Variants in ARSK observed in about 807,000 individuals in gnomAD.
ARSK encodes the protein arylsulfatase family member K, also known as arylsulfatase K.
In ARSK, 37 loss-of-function variants were observed where a neutral mutation model predicts 53.2. The ratio of observed to expected loss-of-function variants is 0.70; its 90% CI spans 0.54 to 0.92. ARSK has a LOEUF of 0.92. ARSK is among the 40% of genes least tolerant of loss of function. The pLI, the probability that ARSK is intolerant of heterozygous loss-of-function variation, is 0.00. For synonymous variants in ARSK, 208 were observed against 223.2 expected (o/e 0.93, Z 0.61); for missense variants, 613 against 643.0 (o/e 0.95, Z 0.51).
chr5:95,604,489 A>G lies in ARSK; in HGVS notation c.*963A>G, dbSNP rs900068330. The G allele has an allele frequency of 3.3e-5, 5 of 151,900 alleles. No individual in the cohort carries two copies. Among genetic ancestry groups the G allele is most frequent in the Non-Finnish European group, 7.4e-5 (5 of 67,990 alleles). 9.4% of individuals were successfully genotyped at this position (151,900 alleles called of 1,614,324 possible). On this transcript the variant is annotated 3_prime_UTR_variant, in exon 8 of 8. Coordinates refer to ENST00000380009, the MANE Select transcript of ARSK (RefSeq NM_198150.3). ...CAAATGTATATATTCCTTTCCCCCT[A>G]CACAAACGGTAACATACTGCACACA...
At chr5:95,579,950 T>C (rs1748993993) in intron 3 of ARSK, among the ~76,000 whole-genome samples, 1 of 152,156 alleles carries the variant, frequency 6.6e-6, no homozygotes, top group East Asian at 1.9e-4. Flanking sequence ...GGTAATAACG[T>C]CTTACTGTTA....
chr5:95,582,036 C>T (rs1028780071), intron 3 of ARSK, among the ~76,000 whole-genome samples: 1 of 151,920 alleles, frequency 6.6e-6, no homozygotes, highest in Non-Finnish European at 1.5e-5. Context: ...ATTGCAATTT[C>T]TCTTAAGTGG....
At chr5:95,589,744 T>G (rs1173577323) in intron 5 of ARSK, among the ~76,000 whole-genome samples, 1 of 152,240 alleles carries the variant, frequency 6.6e-6, no homozygotes, top group Non-Finnish European at 1.5e-5. Context: ...AACACACATG[T>G]GCATGTATCT....
At chr5:95,595,813 C>T (rs1749299306) in intron 6 of ARSK, among the ~76,000 whole-genome samples, 1 of 152,014 alleles carries the variant, frequency 6.6e-6, no homozygotes, top group Non-Finnish European at 1.5e-5. Flanking sequence ...TGCACATGTA[C>T]CCACTGAATG....
chr5:95,599,157 G>A (rs1166039267), intron 6 of ARSK, among the ~76,000 whole-genome samples: 3 of 152,174 alleles, frequency 2.0e-5, no homozygotes, highest in Non-Finnish European at 4.4e-5. Flanking sequence ...CTGGTTTGCT[G>A]AATGAATTTT....
rs905999647 is a variant in ARSK, at chr5:95,565,871, G to A, written c.127-127G>A. ...TGGAAACACCCTCTATACTTGTTTTGTTTTTATCTTTGGAGGATTCTTAAA... is the reference window on the plus strand; with the variant it reads ...TGGAAACACCCTCTATACTTGTTTTATTTTTATCTTTGGAGGATTCTTAAA... On this transcript the variant is annotated intron_variant, in intron 1 of 7. Transcript: ENST00000380009. 4.4e-6 allele frequency: 4 copies of A among 906,402 alleles called. No individual in the cohort carries two copies. The East Asian group carries it at 1.1e-4, about 25-fold the overall frequency. 56.1% of individuals were successfully genotyped at this position (906,402 alleles called of 1,614,324 possible). A position where few individuals can be genotyped will look rare whatever the true frequency, so the allele number is the denominator to read the frequency against.
chr5:95,589,523 G>A (rs923042977), intron 5 of ARSK, among the ~76,000 whole-genome samples: 40 of 152,188 alleles, frequency 2.6e-4, no homozygotes, highest in African/African-American at 9.4e-4. Flanking sequence ...GTGAGAACAT[G>A]CAGTGTTTGG....
intron 2 of ARSK, 57 bp downstream of exon 2, chr5:95,566,184 A>G: frequency 6.3e-7 from 1 of 1,580,138 alleles, no homozygotes. Context: ...AAATATATTC[A>G]CAGTTTAAAA....
Position 95,603,711 on chromosome 5 carries a change from C to A in ARSK, c.*185C>A. ...GATCACAAGGTCAAGAGATTGAGAC[C>A]ATCCTGGCCAACATGGTGAAACCCT... On this transcript the variant is annotated 3_prime_UTR_variant, in exon 8 of 8. Transcript: ENST00000380009. The A allele has an allele frequency of 2.4e-6, 1 of 413,646 alleles. No individual in the cohort carries two copies. The allele number at this position is 413,646 out of a possible 1,614,324, so 25.6% of individuals were successfully genotyped here. A position where few individuals can be genotyped will look rare whatever the true frequency, so the allele number is the denominator to read the frequency against.
rs1014871383 is a variant in ARSK at position 95,565,975 on chromosome 5, T to G, written c.127-23T>G. ...TCTTCTTTGGTAATGTAATCAATGC[T>G]AATTAAATTTCTTTATTTCCAGGAT... is the stretch of plus-strand genomic sequence containing the variant. On this transcript the variant is annotated intron_variant, in intron 1 of 7. Transcript: ENST00000380009. The G allele has an allele frequency of 1.9e-6, 3 of 1,589,070 alleles. No individual in the cohort carries two copies. In the African/African-American group the frequency reaches 4.1e-5, roughly 22 times the overall value.
At chr5:95,558,938 C>G (rs367707297) in intron 1 of ARSK, among the ~76,000 whole-genome samples, 6 of 152,204 alleles carry the variant, frequency 3.9e-5, no homozygotes, top group Admixed American at 2.0e-4. Flanking sequence ...ATCAGGAGTT[C>G]GAGACCAGCC....
At chr5:95,568,983 C>G (rs1748778304) in intron 3 of ARSK, among the ~76,000 whole-genome samples, 1 of 152,224 alleles carries the variant, frequency 6.6e-6, no homozygotes, top group African/African-American at 2.4e-5. Flanking sequence ...ATTATGTCCT[C>G]TGAGACTCCA....
intron 1 of ARSK, among the ~76,000 whole-genome samples, chr5:95,559,329 G>A (rs2112408864): frequency 6.6e-6 from 1 of 152,172 alleles, no homozygotes; most frequent in Middle Eastern, 3.4e-3. Context: ...AAAATATATG[G>A]TATTTATGGG....
chr5:95,586,487 C>A, intron 4 of ARSK, 75 bp from the exon 5 acceptor site: 1 of 1,150,464 alleles, frequency 8.7e-7, no homozygotes, highest in Non-Finnish European at 1.3e-6. Context: ...TTGTTGATTT[C>A]ATCATACATA....
At chr5:95,593,427 T>A (rs1035766925) in intron 6 of ARSK, among the ~76,000 whole-genome samples, 2 of 152,238 alleles carry the variant, frequency 1.3e-5, no homozygotes, top group African/African-American at 4.8e-5. Context: ...AGACATTCTG[T>A]CATCATATAT....
rs749853788 is a variant in ARSK at position 95,566,036 on chromosome 5, G to A, written c.165G>A (p.Val55=). Residue 55 remains valine, a synonymous_variant, in exon 2 of 8, where the codon GTG becomes GTA. Coordinates refer to ENST00000380009, the MANE Select transcript of ARSK (RefSeq NM_198150.3). Reference sequence around the variant, plus strand: ...CATTTCATCCAGGAAGTCAGGTAGTGAAACTTCCTTTTATCAACTTTATGA... The same window carrying A: ...CATTTCATCCAGGAAGTCAGGTAGTAAAACTTCCTTTTATCAACTTTATGA... The part of the protein sequence containing the change: ...RLTFHPGSQV[V]KLPFINFMKT... 19 of 1,612,972 alleles carry A rather than the reference G, an allele frequency of 1.2e-5. No homozygotes were observed. The highest frequency in any genetic ancestry group is 1.6e-5 in the Non-Finnish European group (19 of 1,179,550).
intron 3 of ARSK, among the ~76,000 whole-genome samples, chr5:95,568,753 T>C (rs980562628): frequency 6.6e-6 from 1 of 152,190 alleles, no homozygotes; most frequent in Non-Finnish European, 1.5e-5. Context: ...ATTCCCACTA[T>C]TCCTTAACTG....
intron 3 of ARSK, among the ~76,000 whole-genome samples, chr5:95,569,435 T>C (rs1029493251): frequency 1.1e-4 from 16 of 151,846 alleles, no homozygotes; most frequent in Non-Finnish European, 2.2e-4. Context: ...CAGATGTAAT[T>C]AGTAAGGATC....
chr5:95,600,305 C>T (rs1749380352), intron 6 of ARSK, among the ~76,000 whole-genome samples: 1 of 152,140 alleles, frequency 6.6e-6, no homozygotes, highest in African/African-American at 2.4e-5. Flanking sequence ...GAAGGTTTAT[C>T]ATATACATCA....
Sources: allele counts gnomAD v4.1 joint callset (sites outside exome capture counted in the v4.1 genomes callset), GRCh38; gene constraint gnomAD v4.1.1; transcripts MANE v1.5; gene names NCBI Gene and HGNC (gene_info 2026-07-23, HGNC 2026-07-21).